The following ANKS1B variants were observed in gnomAD, a reference collection of about 807,000 sequenced individuals.
ANKS1B encodes the protein ankyrin repeat and sterile alpha motif domain containing 1B, also known as ankyrin repeat and sterile alpha motif domain-containing protein 1B.
ANKS1B carries 36 observed loss-of-function variants against 148.3 expected under a neutral mutation model. The observed-to-expected ratio is 0.24, with a 90% confidence interval of 0.19 to 0.32. The LOEUF is 0.32. Ranked by LOEUF, ANKS1B falls within the 10% of genes least tolerant of loss-of-function variation. The pLI, the probability that ANKS1B is intolerant of heterozygous loss-of-function variation, is 1.00. For missense variants in ANKS1B, 1,157 were observed against 1,542.6 expected (o/e 0.75, Z 4.19); for synonymous variants, 542 against 560.8 (o/e 0.97, Z 0.47).
At chr12:99,279,516 A>C (rs1452836694) in intron 12 of ANKS1B, among the ~76,000 whole-genome samples, 1 of 152,052 alleles carries the variant, frequency 6.6e-6, no homozygotes, top group African/African-American at 2.4e-5. Flanking sequence ...TTCTCTCTCT[A>C]TAGATTTGCC....
At chr12:99,907,812 T>TAAAAAAAAAAA (rs751468199) in intron 1 of ANKS1B, among the ~76,000 whole-genome samples, 1 of 100,158 alleles carries the variant, frequency 1.0e-5, no homozygotes, top group Non-Finnish European at 1.9e-5. Flanking sequence ...GAGAAATTCT[T>TAAAAAAAAAAA]AAAAAAAAAA....
chr12:99,280,480 A>G (rs1175838644), intron 12 of ANKS1B, among the ~76,000 whole-genome samples: 1 of 152,196 alleles, frequency 6.6e-6, no homozygotes, highest in African/African-American at 2.4e-5. Flanking sequence ...CTGGGCTGCC[A>G]TGGTACATTT....
intron 17 of ANKS1B, among the ~76,000 whole-genome samples, chr12:98,931,955 C>G (rs1327277130): frequency 6.6e-6 from 1 of 152,150 alleles, no homozygotes; most frequent in African/African-American, 2.4e-5. Flanking sequence ...TTGATCTTAA[C>G]AAGCTCTAAA....
chr12:99,163,882 C>A (rs920801335), intron 14 of ANKS1B, among the ~76,000 whole-genome samples: 3 of 152,124 alleles, frequency 2.0e-5, no homozygotes, highest in African/African-American at 7.2e-5. Flanking sequence ...AGTGGCTGTA[C>A]CATTTTACAT....
At chr12:99,964,654 G>A (rs2095462148) in intron 1 of ANKS1B, among the ~76,000 whole-genome samples, 2 of 152,208 alleles carry the variant, frequency 1.3e-5, no homozygotes, top group Admixed American at 1.3e-4. Flanking sequence ...ATGGCAGAGG[G>A]GAACACCCCA....
chr12:99,608,228 G>A (rs1039057885), intron 9 of ANKS1B, among the ~76,000 whole-genome samples: 8 of 152,036 alleles, frequency 5.3e-5, no homozygotes, highest in Non-Finnish European at 1.2e-4. Context: ...AGGAGTCTCT[G>A]TCTTTGTGTG....
At chr12:99,225,656 T>C (rs962350463) in intron 14 of ANKS1B, among the ~76,000 whole-genome samples, 3 of 152,334 alleles carry the variant, frequency 2.0e-5, no homozygotes, top group African/African-American at 7.2e-5. Flanking sequence ...CCTTCATCTG[T>C]CTCCTGTGCT....
At chr12:99,257,133 A>G (rs1246055576) in intron 12 of ANKS1B, among the ~76,000 whole-genome samples, 1 of 151,478 alleles carries the variant, frequency 6.6e-6, no homozygotes, top group African/African-American at 2.4e-5. Context: ...AGTCCCAGCT[A>G]CTCCGGAGGC....
intron 11 of ANKS1B, among the ~76,000 whole-genome samples, chr12:99,414,876 G>A (rs2094845136): frequency 6.6e-6 from 1 of 152,190 alleles, no homozygotes; most frequent in Non-Finnish European, 1.5e-5. Flanking sequence ...TTTTTTAAAA[G>A]TGTTAAGTCT....
intron 10 of ANKS1B, among the ~76,000 whole-genome samples, chr12:99,461,059 TATATATAC>T (rs1595221946): frequency 2.0e-5 from 3 of 150,458 alleles, no homozygotes; most frequent in African/African-American, 7.5e-5. Context: ...TATATATATA[TATATATAC>T]ACATACACAC....
intron 10 of ANKS1B, among the ~76,000 whole-genome samples, chr12:99,456,344 G>A (rs868227114): frequency 6.6e-6 from 1 of 151,998 alleles, no homozygotes; most frequent in Non-Finnish European, 1.5e-5. Context: ...AACAATTCTG[G>A]TAATATGACA....
intron 12 of ANKS1B, among the ~76,000 whole-genome samples, chr12:99,258,736 G>A (rs1054709805): frequency 6.6e-6 from 1 of 150,866 alleles, no homozygotes; most frequent in African/African-American, 2.4e-5. Flanking sequence ...TGAGATAGAA[G>A]TGTGAGTCAA....
chr12:99,966,634 G>C (rs1272481485), intron 1 of ANKS1B, among the ~76,000 whole-genome samples: 1 of 152,076 alleles, frequency 6.6e-6, no homozygotes, highest in African/African-American at 2.4e-5. Flanking sequence ...TTTTGTAAGG[G>C]CCTAGAGAGA....
At chr12:99,605,808 A>C (rs2097847269) in intron 9 of ANKS1B, among the ~76,000 whole-genome samples, 1 of 152,016 alleles carries the variant, frequency 6.6e-6, no homozygotes, top group South Asian at 2.1e-4. Flanking sequence ...GTGTGCAGTT[A>C]TTTTTTTGAC....
intron 1 of ANKS1B, among the ~76,000 whole-genome samples, chr12:99,983,830 C>T (rs886838544): frequency 2.0e-4 from 30 of 152,128 alleles, no homozygotes; most frequent in Non-Finnish European, 1.2e-4. Flanking sequence ...TCAAGCAACA[C>T]TAGTACATGT....
intron 11 of ANKS1B, among the ~76,000 whole-genome samples, chr12:99,400,842 G>A (rs1380851803): frequency 2.2e-4 from 32 of 144,756 alleles, no homozygotes; most frequent in Non-Finnish European, 6.1e-5. Flanking sequence ...CCTTAAATAT[G>A]TGTTAATCCC....
intron 12 of ANKS1B, among the ~76,000 whole-genome samples, chr12:99,277,809 T>C (rs933318602): frequency 1.3e-5 from 2 of 152,204 alleles, no homozygotes; most frequent in African/African-American, 4.8e-5. Context: ...TACACATTTA[T>C]GGGGTGGAAC....
intron 17 of ANKS1B, among the ~76,000 whole-genome samples, chr12:98,896,714 C>T (rs1275738031): frequency 6.6e-6 from 1 of 152,134 alleles, no homozygotes; most frequent in Admixed American, 6.5e-5. Context: ...TAAATGGGAC[C>T]TGATTACTTG....
intron 1 of ANKS1B, among the ~76,000 whole-genome samples, chr12:99,875,466 G>C (rs767223026): frequency 4.0e-5 from 6 of 151,744 alleles, no homozygotes; most frequent in Non-Finnish European, 8.8e-5. Flanking sequence ...ATAAACCACA[G>C]CTCTTGTACA....
Sources: gnomAD v4.1 joint callset for allele counts (sites outside exome capture counted in the v4.1 genomes callset) on GRCh38, gnomAD v4.1.1 for gene constraint, MANE v1.5 for transcripts, NCBI Gene and HGNC (gene_info 2026-07-23, HGNC 2026-07-21) for gene names.